NTRK3: variants seen among roughly 807,000 people sequenced by gnomAD.
NTRK3 encodes NT-3 growth factor receptor.
NTRK3 carries 24 observed loss-of-function variants against 91.7 expected under a neutral mutation model. That is an observed-to-expected ratio of 0.26 (90% CI 0.19 to 0.37). The LOEUF is 0.37. Ranked by LOEUF, NTRK3 falls within the 10% of genes least tolerant of loss-of-function variation. NTRK3 has a pLI of 1.00. For synonymous variants in NTRK3, 483 were observed against 404.0 expected (o/e 1.20, Z -2.34); for missense variants, 880 against 1,068.9 (o/e 0.82, Z 2.46).
chr15:87,974,231 G>T (rs1264720895), intron 14 of NTRK3, among the ~76,000 whole-genome samples: 1 of 152,166 alleles, frequency 6.6e-6, no homozygotes, highest in African/African-American at 2.4e-5. Context: ...GAGCTTGGCT[G>T]CAGAAAGGGA....
intron 17 of NTRK3, among the ~76,000 whole-genome samples, chr15:87,886,699 T>TACACACAC (rs1555429881): frequency 7.2e-6 from 1 of 138,482 alleles, no homozygotes; most frequent in African/African-American, 2.7e-5. Context: ...TATATATATA[T>TACACACAC]ACATATATAC....
At chr15:88,087,836 G>C (rs755147290) in intron 13 of NTRK3, among the ~76,000 whole-genome samples, 1 of 152,172 alleles carries the variant, frequency 6.6e-6, no homozygotes, top group African/African-American at 2.4e-5. Context: ...ATCACCTGAG[G>C]TCAGAAGTTC....
chr15:88,105,106 A>G (rs1172362866), intron 13 of NTRK3, among the ~76,000 whole-genome samples: 1 of 152,206 alleles, frequency 6.6e-6, no homozygotes, highest in African/African-American at 2.4e-5. Flanking sequence ...ATGACTAGAA[A>G]GTATCATCAT....
intron 10 of NTRK3, among the ~76,000 whole-genome samples, chr15:88,129,592 G>A: frequency 6.6e-6 from 1 of 152,298 alleles, no homozygotes; most frequent in African/African-American, 2.4e-5. Context: ...AAAGGAGTGA[G>A]GATTCCTTGG....
chr15:87,997,304 C>T (rs769229135), intron 14 of NTRK3, among the ~76,000 whole-genome samples: 1 of 152,178 alleles, frequency 6.6e-6, no homozygotes, highest in Non-Finnish European at 1.5e-5. Flanking sequence ...TTCAACAAGA[C>T]AGCCGTGAGT....
chr15:88,088,154 G>A (rs969563485), intron 13 of NTRK3, among the ~76,000 whole-genome samples: 3 of 152,194 alleles, frequency 2.0e-5, no homozygotes, highest in Non-Finnish European at 4.4e-5. Flanking sequence ...TCTTGAATAA[G>A]TCATGAAACC....
intron 5 of NTRK3, among the ~76,000 whole-genome samples, chr15:88,177,170 CTA>C (rs2046078167): frequency 6.6e-6 from 1 of 152,190 alleles, no homozygotes; most frequent in African/African-American, 2.4e-5. Flanking sequence ...GAGACAGAAA[CTA>C]TATCCATGTG....
At chr15:87,974,221 G>A (rs889209696) in intron 14 of NTRK3, among the ~76,000 whole-genome samples, 3 of 152,162 alleles carry the variant, frequency 2.0e-5, no homozygotes, top group African/African-American at 7.2e-5. Context: ...TGGCTGCTGG[G>A]AGCTTGGCTG....
chr15:87,994,316 G>T (rs1353112460), intron 14 of NTRK3, among the ~76,000 whole-genome samples: 1 of 152,190 alleles, frequency 6.6e-6, no homozygotes, highest in East Asian at 1.9e-4. Context: ...GATCTTTGCA[G>T]ATGTTCAAGT....
intron 13 of NTRK3, among the ~76,000 whole-genome samples, chr15:88,092,789 A>G (rs1372111057): frequency 3.3e-5 from 5 of 152,042 alleles, no homozygotes; most frequent in Non-Finnish European, 5.9e-5. Flanking sequence ...CATCACTCCA[A>G]TCTTCAAGGC....
intron 13 of NTRK3, among the ~76,000 whole-genome samples, chr15:88,057,086 G>A (rs1450063763): frequency 2.0e-5 from 3 of 148,994 alleles, no homozygotes; most frequent in Admixed American, 1.3e-4. Context: ...GGAGAATGGC[G>A]TGAACCCGGG....
intron 3 of NTRK3, among the ~76,000 whole-genome samples, chr15:88,242,660 G>A (rs1010320432): frequency 6.6e-6 from 1 of 152,180 alleles, no homozygotes; most frequent in African/African-American, 2.4e-5. Context: ...CTGGTGCTAG[G>A]CGCTAGGATG....
rs544196772 is a variant in NTRK3 at position 87,921,618 on chromosome 15, G to T, written c.2133+7573C>A. On this transcript the variant is annotated intron_variant, in intron 17 of 18. Coordinates refer to ENST00000394480, the Ensembl canonical transcript of NTRK3. ...ACTGTTTCAGGCTTCCAACTACAGG[G>T]ACACCTTATTGGAGTAACAGGTCTA... Among the ~76,000 whole-genome samples the T allele has an allele frequency of 8.5e-5, 13 of 152,224 alleles. No homozygotes were observed. In the South Asian group the frequency reaches 2.5e-3, roughly 29 times the overall value.
At chr15:87,875,127 A>G (rs1328540616) in exon 19 of NTRK3, 2 of 231,146 alleles carry the variant, frequency 8.7e-6, no homozygotes, top group African/African-American at 2.2e-5. Context: ...AGCTGCCTTC[A>G]GCTAACCAGG....
chr15:88,192,324 G>A (rs1166045392), intron 3 of NTRK3, among the ~76,000 whole-genome samples: 1 of 152,122 alleles, frequency 6.6e-6, no homozygotes, highest in Non-Finnish European at 1.5e-5. Context: ...CCAGGCCATT[G>A]TGGCTGAACC....
At chr15:87,908,533 C>T (rs1042781131) in intron 17 of NTRK3, 103 of 399,540 alleles carry the variant, frequency 2.6e-4, no homozygotes, top group Middle Eastern at 6.1e-4. Flanking sequence ...TGCCACACCA[C>T]ACTGAACGGG....
chr15:87,990,374 C>T (rs1047325789), intron 14 of NTRK3, among the ~76,000 whole-genome samples: 3 of 152,202 alleles, frequency 2.0e-5, no homozygotes, highest in South Asian at 4.1e-4. Flanking sequence ...GAGCTAAATT[C>T]CTGCCCTGAC....
chr15:88,136,385 A>T (rs1285694312), intron 8 of NTRK3, 82 bp downstream of exon 8: 3 of 1,580,210 alleles, frequency 1.9e-6, no homozygotes, highest in Non-Finnish European at 2.6e-6. Context: ...TAGTAACAAG[A>T]CCGCAAATTT....
rs187112569 is a variant in NTRK3 at position 87,892,719 on chromosome 15, A to G, written c.2134-12291T>C. Among the ~76,000 whole-genome samples, 445 of 152,348 alleles carry G rather than the reference A, an allele frequency of 2.9e-3. 2 individuals carry two copies. The highest frequency in any genetic ancestry group is 0.01 in the African/African-American group (422 of 41,580). On this transcript the variant is annotated intron_variant, in intron 17 of 18. Coordinates refer to ENST00000394480, the Ensembl canonical transcript of NTRK3. Reference sequence around the variant, plus strand: ...GAAATGTATGATCATTGGCCATTAAAAGTTAAATTTAAATCTTCATACATA... The same window carrying G: ...GAAATGTATGATCATTGGCCATTAAGAGTTAAATTTAAATCTTCATACATA...
Sources: gnomAD v4.1 joint callset for allele counts (sites outside exome capture counted in the v4.1 genomes callset) on GRCh38, gnomAD v4.1.1 for gene constraint, MANE v1.5 for transcripts, NCBI Gene and HGNC (gene_info 2026-07-23, HGNC 2026-07-21) for gene names.